The following TC2N variants were observed in gnomAD, a reference collection of about 807,000 sequenced individuals.
TC2N encodes the protein tandem C2 domains, nuclear.
TC2N carries 51 observed loss-of-function variants against 61.9 expected under a neutral mutation model. The ratio of observed to expected loss-of-function variants is 0.82; its 90% CI spans 0.66 to 1.04. TC2N has a LOEUF of 1.04. TC2N is among the 50% of genes least tolerant of loss of function. The pLI is 0.00. For missense variants in TC2N, 556 were observed against 566.7 expected (o/e 0.98, Z 0.19); for synonymous variants, 204 against 192.6 (o/e 1.06, Z -0.49).
chr14:91,794,840 T>C (rs1414993408), intron 8 of TC2N, among the ~76,000 whole-genome samples: 1 of 152,126 alleles, frequency 6.6e-6, no homozygotes, highest in East Asian at 1.9e-4. Flanking sequence ...AAAAACTAAA[T>C]TTTGTAAGGC....
chr14:91,852,876 C>A (rs886695961), intron 1 of TC2N, among the ~76,000 whole-genome samples: 31 of 152,070 alleles, frequency 2.0e-4, no homozygotes, highest in African/African-American at 7.2e-4. Context: ...TCGAGACCAT[C>A]CTGGCTAACA....
At chr14:91,849,777 G>C (rs1264309507) in intron 1 of TC2N, among the ~76,000 whole-genome samples, 3 of 152,332 alleles carry the variant, frequency 2.0e-5, no homozygotes, top group Non-Finnish European at 4.4e-5. Context: ...GCCAGGCACA[G>C]TGGCTTACCC....
intron 1 of TC2N, among the ~76,000 whole-genome samples, chr14:91,831,802 G>T (rs1887781796): frequency 6.6e-6 from 1 of 152,104 alleles, no homozygotes; most frequent in African/African-American, 2.4e-5. Flanking sequence ...GTAAAATTGA[G>T]AAGGTACAGA....
chr14:91,831,117 T>C (rs2139894955), intron 1 of TC2N, among the ~76,000 whole-genome samples: 1 of 152,328 alleles, frequency 6.6e-6, no homozygotes, highest in East Asian at 1.9e-4. Flanking sequence ...CGTTTAGCTT[T>C]CTCTTAGATT....
chr14:91,790,645 G>T (rs1477121344), intron 9 of TC2N, among the ~76,000 whole-genome samples: 1 of 152,076 alleles, frequency 6.6e-6, no homozygotes, highest in Non-Finnish European at 1.5e-5. Context: ...TAATTCCCCA[G>T]AAAATCCCTG....
Position 91,794,303 on chromosome 14 carries a change from T to C in TC2N, c.856-1745A>G, listed in dbSNP as rs1054400334. Among the ~76,000 whole-genome samples, 13 of 152,166 alleles carry C rather than the reference T, an allele frequency of 8.5e-5. No individual in the cohort carries two copies. In the East Asian group the frequency reaches 2.3e-3, roughly 27 times the overall value. On this transcript the variant is annotated intron_variant, in intron 8 of 11. Coordinates refer to ENST00000435962, the MANE Select transcript of TC2N (RefSeq NM_001128596.3). ...AAGTTGCAGCAAGTTATCCAGAAGATCTAGTTAAGAAGGTGGCTACATTCA... is the reference window on the plus strand; with the variant it reads ...AAGTTGCAGCAAGTTATCCAGAAGACCTAGTTAAGAAGGTGGCTACATTCA...
intron 1 of TC2N, among the ~76,000 whole-genome samples, chr14:91,832,278 T>C (rs1185021035): frequency 6.6e-6 from 1 of 151,428 alleles, no homozygotes; most frequent in Non-Finnish European, 1.5e-5. Flanking sequence ...TAATCCCAGC[T>C]ACTCAGGAGG....
intron 6 of TC2N, 132 bp from the exon 7 acceptor site, chr14:91,798,531 G>A: frequency 1.6e-6 from 1 of 607,274 alleles, no homozygotes; most frequent in Non-Finnish European, 2.9e-6. Flanking sequence ...CACAATCTAA[G>A]AAGACAAAAA....
rs965788173 is a variant in TC2N at position 91,783,013 on chromosome 14, A to C, written c.*87T>G. 2.5e-6 allele frequency: 2 copies of C among 813,796 alleles called. No individual in the cohort carries two copies. Among genetic ancestry groups the C allele is most frequent in the African/African-American group, 3.4e-5 (2 of 58,326 alleles). The allele number at this position is 813,796 out of a possible 1,614,324, so 50.4% of individuals were successfully genotyped here. A position where few individuals can be genotyped will look rare whatever the true frequency, so the allele number is the denominator to read the frequency against. ...CCCCCATAAATTGACAAATTTGTTG[A>C]TTTGCCTCTTCTCATTGGTAGCAAA... On this transcript the variant is annotated 3_prime_UTR_variant, in exon 12 of 12. Coordinates refer to ENST00000435962, the MANE Select transcript of TC2N (RefSeq NM_001128596.3).
intron 10 of TC2N, among the ~76,000 whole-genome samples, chr14:91,786,277 T>C (rs2139820768): frequency 6.6e-6 from 1 of 152,342 alleles, no homozygotes; most frequent in South Asian, 2.1e-4. Context: ...TAGGTTTTAT[T>C]TGCTCATTTT....
At chr14:91,851,804 A>G (rs898940956) in intron 1 of TC2N, among the ~76,000 whole-genome samples, 2 of 152,256 alleles carry the variant, frequency 1.3e-5, no homozygotes, top group African/African-American at 4.8e-5. Context: ...TTTATCCTGG[A>G]TCATCATGAA....
intron 1 of TC2N, among the ~76,000 whole-genome samples, chr14:91,855,275 A>G (rs1161899649): frequency 6.6e-6 from 1 of 152,228 alleles, no homozygotes; most frequent in African/African-American, 2.4e-5. Flanking sequence ...TGTACAATGT[A>G]CCACAAACCG....
chr14:91,814,489 A>G (rs1595248798), intron 1 of TC2N, among the ~76,000 whole-genome samples: 1 of 151,346 alleles, frequency 6.6e-6, no homozygotes, highest in East Asian at 1.9e-4. Context: ...GCGGAGAGAG[A>G]GGGAAGGAGA....
At chr14:91,791,733 A>T (rs746998770) in intron 9 of TC2N, among the ~76,000 whole-genome samples, 2 of 151,810 alleles carry the variant, frequency 1.3e-5, no homozygotes, top group Admixed American at 6.6e-5. Context: ...GTTTTTCCTA[A>T]GTTATCAGCT....
intron 1 of TC2N, among the ~76,000 whole-genome samples, chr14:91,818,918 T>C (rs1448318609): frequency 2.0e-5 from 3 of 151,998 alleles, no homozygotes; most frequent in African/African-American, 7.2e-5. Context: ...ATACATGTAT[T>C]TGGAGTCCAC....
intron 11 of TC2N, among the ~76,000 whole-genome samples, chr14:91,783,570 A>G (rs914780057): frequency 1.3e-5 from 2 of 152,074 alleles, no homozygotes; most frequent in African/African-American, 4.8e-5. Context: ...TTGTAAGGAT[A>G]ATTAAACTGA....
chr14:91,865,840 T>C (rs1210805762), intron 1 of TC2N, among the ~76,000 whole-genome samples: 9 of 152,190 alleles, frequency 5.9e-5, no homozygotes, highest in Non-Finnish European at 7.3e-5. Flanking sequence ...TCCAGTTTTG[T>C]CGTGTATGCT....
chr14:91,783,324 T>C, intron 11 of TC2N, 114 bp from the exon 12 acceptor site: 1 of 551,886 alleles, frequency 1.8e-6, no homozygotes, highest in East Asian at 3.1e-5. Context: ...TTACATATTT[T>C]AAATTAAACA....
chr14:91,844,293 T>G (rs181255994), intron 1 of TC2N, among the ~76,000 whole-genome samples: 212 of 152,292 alleles, frequency 1.4e-3, no homozygotes, highest in African/African-American at 4.8e-3. Context: ...CCTGTTCATC[T>G]CATATTGCTT....
Sources: gnomAD v4.1 joint callset for allele counts (sites outside exome capture counted in the v4.1 genomes callset) on GRCh38, gnomAD v4.1.1 for gene constraint, MANE v1.5 for transcripts, NCBI Gene and HGNC (gene_info 2026-07-23, HGNC 2026-07-21) for gene names.